Variants in EIF4B observed in about 807,000 individuals in gnomAD.
EIF4B encodes eukaryotic translation initiation factor 4B.
In EIF4B, 8 loss-of-function variants were observed where a neutral mutation model predicts 79.3. The observed-to-expected ratio is 0.10, with a 90% confidence interval of 0.06 to 0.18. EIF4B has a LOEUF of 0.18. EIF4B is among the 10% of genes least tolerant of loss of function. The pLI is 1.00. For synonymous variants in EIF4B, 238 were observed against 274.7 expected, an observed-to-expected ratio of 0.87 and a Z score of 1.32; for missense variants, 515 against 792.4, an observed-to-expected ratio of 0.65 and a Z score of 4.20.
intron 2 of EIF4B, among the ~76,000 whole-genome samples, chr12:53,017,970 A>G (rs1022153746): frequency 3.9e-5 from 6 of 152,104 alleles, no homozygotes; most frequent in African/African-American, 1.4e-4. Context: ...GTGCTGTAGG[A>G]AAAGATTTTT....
At chr12:53,009,663 C>T (rs994135433) in intron 1 of EIF4B, among the ~76,000 whole-genome samples, 1 of 152,174 alleles carries the variant, frequency 6.6e-6, no homozygotes, top group Non-Finnish European at 1.5e-5. Flanking sequence ...ACACTGCTGA[C>T]TCTCACAGTG....
chr12:53,016,910 C>A (rs1198601500), intron 2 of EIF4B, among the ~76,000 whole-genome samples: 2 of 152,102 alleles, frequency 1.3e-5, no homozygotes, highest in Non-Finnish European at 2.9e-5. Flanking sequence ...AGAACTAGAT[C>A]ATCTTTTAAA....
In EIF4B at chr12:53,041,589, G is replaced by A. The variant is rs187650418; in HGVS notation, c.*1366G>A. ...AGGTCCTGGTTTCTCTTGCAACACA[G>A]TAGCTAAACTTGCCTGCTTTTATAT... On this transcript the variant is annotated 3_prime_UTR_variant, in exon 15 of 15. Coordinates refer to ENST00000262056, the MANE Select transcript of EIF4B (RefSeq NM_001417.7). The A allele has an allele frequency of 5.9e-5, 9 of 152,244 alleles. No homozygotes were observed. The East Asian group carries it at 1.7e-3, about 29-fold the overall frequency. The allele number at this position is 152,244 out of a possible 1,614,324, so 9.4% of individuals were successfully genotyped here.
chr12:53,021,598 C>T, intron 4 of EIF4B: 3 of 656,488 alleles, frequency 4.6e-6, no homozygotes, highest in Non-Finnish European at 8.5e-6. Flanking sequence ...TATAATTGAC[C>T]TAATATTCAA....
rs540108691 is a variant in EIF4B at position 53,027,727 on chromosome 12, T to G, written c.668-55T>G. ...AAATTGGACTGATAGCTTACCGTGT[T>G]TCTATTAATGGTGTCAGAGAAAAGG... On this transcript the variant is annotated intron_variant, in intron 6 of 14. Coordinates refer to ENST00000262056, the MANE Select transcript of EIF4B (RefSeq NM_001417.7). 191 of 1,568,754 alleles carry G rather than the reference T, an allele frequency of 1.2e-4. 2 individuals carry two copies. In the South Asian group the frequency reaches 2.1e-3, roughly 17 times the overall value.
chr12:53,039,373 C>G, intron 13 of EIF4B, 30 bp downstream of exon 13: 1 of 1,505,616 alleles, frequency 6.6e-7, no homozygotes, highest in Admixed American at 1.9e-5. Flanking sequence ...CATCTTTCCT[C>G]TGATCCACAT....
chr12:53,016,635 T>C, intron 2 of EIF4B, 25 bp downstream of exon 2: 1 of 1,548,856 alleles, frequency 6.5e-7, no homozygotes, highest in Non-Finnish European at 8.7e-7. Flanking sequence ...GTCATCGTGT[T>C]TGGAATGTTT....
chr12:53,039,956 A>AGAG (rs1943603751), intron 14 of EIF4B, 187 bp from the exon 15 acceptor site: 1 of 718,234 alleles, frequency 1.4e-6, no homozygotes. Context: ...GTATGAGACT[A>AGAG]TAGTAAGATC....
Position 53,018,968 on chromosome 12 carries a change from A to G in EIF4B, c.322A>G (p.Thr108Ala). 1.9e-6 allele frequency: 3 copies of G among 1,613,940 alleles called. No homozygotes were observed. The highest frequency in any genetic ancestry group is 1.7e-6 in the Non-Finnish European group (2 of 1,179,944). The change falls in exon 3 of 15, where the codon ACA (threonine) becomes GCA (alanine). Residue 108 changes from threonine to alanine, a missense_variant. Coordinates refer to ENST00000262056, the MANE Select transcript of EIF4B (RefSeq NM_001417.7). Reference sequence around the variant, plus strand: ...TCTAGGAAACCTACCCTATGATGTTACAGAAGAGTCAATTAAGGAATTCTT... The same window carrying G: ...TCTAGGAAACCTACCCTATGATGTTGCAGAAGAGTCAATTAAGGAATTCTT... ...AFLGNLPYDVTEESIKEFFRG... is the reference protein window; with the variant it reads ...AFLGNLPYDVAEESIKEFFRG...
chr12:53,019,155 C>T (rs11170374), intron 3 of EIF4B, 149 bp downstream of exon 3: 347 of 1,003,294 alleles, frequency 3.5e-4, no homozygotes, highest in Non-Finnish European at 4.6e-4. Context: ...TCCCAGCACT[C>T]TGGGAGTCTG....
intron 5 of EIF4B, 44 bp downstream of exon 5, chr12:53,021,904 A>G: frequency 6.2e-7 from 1 of 1,612,084 alleles, no homozygotes; most frequent in Non-Finnish European, 8.5e-7. Context: ...TGGTCCCAGG[A>G]TGACACCAAG....
chr12:53,019,431 A>ATTTTTTTTTTTTTTTTTTTTT (rs1555151903), intron 3 of EIF4B, among the ~76,000 whole-genome samples: 2 of 35,176 alleles, frequency 5.7e-5, no homozygotes, highest in Non-Finnish European at 9.1e-5. Context: ...AATTATATAT[A>ATTTTTTTTTTTTTTTTTTTTT]TATATATTTT....
chr12:53,015,674 C>T (rs1443942958), intron 1 of EIF4B, among the ~76,000 whole-genome samples: 6 of 100,772 alleles, frequency 6.0e-5, no homozygotes, highest in Admixed American at 1.4e-4. Flanking sequence ...GAGCAAGACC[C>T]TGTCTCAAAA....
intron 1 of EIF4B, among the ~76,000 whole-genome samples, chr12:53,009,535 CAT>C (rs959547058): frequency 9.2e-5 from 14 of 151,954 alleles, no homozygotes; most frequent in African/African-American, 3.1e-4. Context: ...TTGGAAATAA[CAT>C]ATGTAAGCTC....
intron 4 of EIF4B, among the ~76,000 whole-genome samples, chr12:53,020,735 C>T (rs1943234622): frequency 6.6e-6 from 1 of 152,112 alleles, no homozygotes. Context: ...AATAGTTTTG[C>T]TGCCTCATAA....
At chr12:53,018,693 T>C in intron 2 of EIF4B, 105 bp from the exon 3 acceptor site, 1 of 1,346,236 alleles carries the variant, frequency 7.4e-7, no homozygotes. Context: ...TCTGGTTTTC[T>C]TGTATAGCAT....
intron 1 of EIF4B, 87 bp from the exon 2 acceptor site, chr12:53,016,386 C>T (rs1943148870): frequency 2.5e-5 from 39 of 1,537,410 alleles, no homozygotes; most frequent in Non-Finnish European, 3.2e-5. Flanking sequence ...TTATTTCTTT[C>T]TAAATAATGT....
At chr12:53,021,950 G>A in intron 5 of EIF4B, 90 bp downstream of exon 5, 4 of 1,486,940 alleles carry the variant, frequency 2.7e-6, no homozygotes, top group Non-Finnish European at 2.8e-6. Context: ...AGGGGTAGTG[G>A]TGGGCCTGCC....
rs1471042668 is a variant in EIF4B at position 53,018,823 on chromosome 12, T to C, written c.177T>C (p.Asp59=). The C allele has an allele frequency of 6.2e-7, 1 of 1,612,996 alleles. No homozygotes were observed. ...TTTCGACCACTTGGCACAGTAACGA[T>C]GACGATGTGTATAGGGCGCCTCCAA... ...GDVSTTWHSN[D]DDVYRAPPID... is the part of the protein sequence containing the mutation. Residue 59 remains aspartate, a synonymous_variant, in exon 3 of 15, where the codon GAT becomes GAC. Transcript: ENST00000262056.
Sources: allele counts gnomAD v4.1 joint callset (sites outside exome capture counted in the v4.1 genomes callset), GRCh38; gene constraint gnomAD v4.1.1; transcripts MANE v1.5; gene names NCBI Gene and HGNC (gene_info 2026-07-23, HGNC 2026-07-21).